Variants in CD209 observed in about 807,000 individuals in gnomAD.
CD209 encodes CD209 molecule, also known as CD209 antigen.
In CD209, 31 loss-of-function variants were observed where a neutral mutation model predicts 44.7. The ratio of observed to expected loss-of-function variants is 0.69; its 90% CI spans 0.52 to 0.94. CD209 has a LOEUF of 0.94. Ranked by LOEUF, CD209 falls within the 40% of genes least tolerant of loss-of-function variation. The pLI is 0.00. For synonymous variants in CD209, 173 were observed against 181.3 expected (o/e 0.95, Z 0.37); for missense variants, 407 against 452.4 (o/e 0.90, Z 0.91).
At chr19:7,745,230 C>T (rs2033766362) in intron 4 of CD209, 138 bp from the exon 5 acceptor site, 4 of 1,231,734 alleles carry the variant, frequency 3.2e-6, no homozygotes, top group Non-Finnish European at 4.5e-6. Context: ...TCCCCACTTC[C>T]CGAGACCCTC....
Position 7,741,653 on chromosome 19 carries a change from G to A in CD209, c.*1386C>T, listed in dbSNP as rs550418394. On this transcript the variant is annotated 3_prime_UTR_variant, in exon 7 of 7. Transcript: ENST00000315599. ...CTGTTTAACGGACGATGGTATGTAC[G>A]CAGGACGACAGCTTCAGTGTGAATT... The A allele has an allele frequency of 5.7e-6, 5 of 878,738 alleles. No individual in the cohort carries two copies. Among genetic ancestry groups the A allele is most frequent in the Admixed American group, 1.8e-5 (1 of 54,960 alleles). 54.4% of individuals were successfully genotyped at this position (878,738 alleles called of 1,614,324 possible).
At chr19:7,744,849 C>T (rs11465385) in intron 5 of CD209, 92 bp downstream of exon 5, 21 of 1,531,556 alleles carry the variant, frequency 1.4e-5, no homozygotes, top group African/African-American at 6.9e-5. Flanking sequence ...TGGAGCAAAA[C>T]CCCTCTTCTG....
At chr19:7,746,640 A>T in intron 2 of CD209, 109 bp from the exon 3 acceptor site, 1 of 1,071,216 alleles carries the variant, frequency 9.3e-7, no homozygotes, top group Non-Finnish European at 1.4e-6. Flanking sequence ...CCCCAGCCCC[A>T]GCCCCCTCCA....
In CD209 at chr19:7,745,031, C is replaced by T; in HGVS notation, c.810G>A (p.Met270Ile). The T allele has an allele frequency of 1.9e-6, 3 of 1,614,222 alleles. No individual in the cohort carries two copies. The highest frequency in any genetic ancestry group is 2.5e-6 in the Non-Finnish European group (3 of 1,180,040). The change falls in exon 5 of 7, where the codon ATG (methionine) becomes ATA (isoleucine). Residue 270 changes from methionine to isoleucine, a missense_variant. Met to Ile is a conservative substitution (Grantham distance 10). Transcript: ENST00000315599. ...WTFFQGNCYF[M>I]SNSQRNWHDS... is the part of the protein sequence containing the mutation. ...CGTGCCAGTTCCGCTGGGAGTTAGACATGAAGTAACAGTTTCCTTGGAAGA... is the reference window on the plus strand; with the variant it reads ...CGTGCCAGTTCCGCTGGGAGTTAGATATGAAGTAACAGTTTCCTTGGAAGA...
Position 7,742,014 on chromosome 19 carries a change from G to A in CD209, c.*1025C>T. On this transcript the variant is annotated 3_prime_UTR_variant, in exon 7 of 7. Coordinates refer to ENST00000315599, the MANE Select transcript of CD209 (RefSeq NM_021155.4). ...GGAAGAAATAGTGACCGCAGCGGGG[G>A]CCGGTGCAGCCGCAGTGAGAACGGC... The A allele has an allele frequency of 3.2e-6, 1 of 314,726 alleles. No homozygotes were observed. The highest frequency in any genetic ancestry group is 9.2e-5 in the East Asian group (1 of 10,924). 19.5% of individuals were successfully genotyped at this position (314,726 alleles called of 1,614,324 possible).
At position 7,746,444 on chromosome 19, in the gene CD209, A is replaced by G; in HGVS notation, c.178+16T>C. The G allele has an allele frequency of 6.2e-7, 1 of 1,613,618 alleles. No individual in the cohort carries two copies. Among genetic ancestry groups the G allele is most frequent in the Non-Finnish European group, 8.5e-7 (1 of 1,179,612 alleles). On this transcript the variant is annotated intron_variant, in intron 3 of 6. Coordinates refer to ENST00000315599, the MANE Select transcript of CD209 (RefSeq NM_021155.4). ...CCAGGCGTGGGGACCCCAGACCCTC[A>G]GAACCTGCCCCTGACCTTGGACAAG...
rs1470596511 is a variant in CD209 at position 7,743,987 on chromosome 19, A to G, written c.1013+120T>C. 8.7e-6 allele frequency: 7 copies of G among 807,828 alleles called. No individual in the cohort carries two copies. In the East Asian group the frequency reaches 1.8e-4, roughly 21 times the overall value. 50.0% of individuals were successfully genotyped at this position (807,828 alleles called of 1,614,324 possible). A position where few individuals can be genotyped will look rare whatever the true frequency, so the allele number is the denominator to read the frequency against. On this transcript the variant is annotated intron_variant, in intron 6 of 6. Coordinates refer to ENST00000315599, the MANE Select transcript of CD209 (RefSeq NM_021155.4). ...TGAAGACCACCTTCCTCAACTCAGT[A>G]AAACCTCCAGATTCTTGGGTCTAGG...
At position 7,745,975 on chromosome 19, in the gene CD209, C is replaced by T; in HGVS notation, c.291G>A (p.Leu97=). The T allele has an allele frequency of 1.2e-6, 2 of 1,614,200 alleles. No individual in the cohort carries two copies. Among genetic ancestry groups the T allele is most frequent in the Non-Finnish European group, 1.7e-6 (2 of 1,180,032 alleles). The stretch of plus-strand genomic sequence containing the variant: ...GGGTCAGCTCCTGGTAGATCTCCTG[C>T]AGCTTGGATTTCTCTGAGAGCTCAC... The part of the protein sequence containing the change: ...AVGELSEKSK[L]QEIYQELTQL... Residue 97 remains leucine (L), a synonymous_variant, in exon 4 of 7, where the codon CTG becomes CTA. Transcript: ENST00000315599.
rs534995365 is a variant in CD209, at chr19:7,746,441, C to T, written c.178+19G>A. 6.2e-6 allele frequency: 10 copies of T among 1,613,658 alleles called. No individual in the cohort carries two copies. In the Admixed American group the frequency reaches 8.3e-5, roughly 13 times the overall value. The stretch of plus-strand genomic sequence containing the variant: ...AAGCCAGGCGTGGGGACCCCAGACC[C>T]TCAGAACCTGCCCCTGACCTTGGAC... On this transcript the variant is annotated intron_variant, in intron 3 of 6. Transcript: ENST00000315599.
At position 7,744,953 on chromosome 19, in the gene CD209, A is replaced by C; in HGVS notation, c.888T>G (p.Ser296Arg). 1.2e-6 allele frequency: 2 copies of C among 1,614,154 alleles called. No individual in the cohort carries two copies. The highest frequency in any genetic ancestry group is 1.1e-5 in the South Asian group (1 of 91,086). The change falls in exon 5 of 7, where the codon AGT becomes AGG. Residue 296 changes from serine to arginine, a missense_variant. Physicochemically the swap from Ser to Arg is moderately radical, Grantham distance 110. This residue lies in a region of CD209 where 200 missense variants were observed against 202.2 expected (regional missense o/e 0.99). Transcript: ENST00000315599. ...CCACCAGGTGTACCTGCTCCTCAGC[A>C]CTTTTGATTACGACGAGCTGGGCCC... ...EVGAQLVVIKSAEEQNFLQLQ... is the reference protein window; with the variant it reads ...EVGAQLVVIKRAEEQNFLQLQ...
chr19:7,744,645 A>G (rs1049171917), intron 5 of CD209, among the ~76,000 whole-genome samples: 2 of 152,250 alleles, frequency 1.3e-5, no homozygotes, highest in Non-Finnish European at 2.9e-5. Context: ...CACCAGGGAA[A>G]CTGGCAAACA....
Position 7,746,316 on chromosome 19 carries a change from G to T in CD209, c.178+144C>A. On this transcript the variant is annotated intron_variant, in intron 3 of 6. Coordinates refer to ENST00000315599, the MANE Select transcript of CD209 (RefSeq NM_021155.4). The stretch of plus-strand genomic sequence containing the variant: ...CTGTCCTGCCCTAGAGTGGGGAGGG[G>T]CTGTGGGAGAGGCCCCTACAGACCC... 5.6e-6 allele frequency: 6 copies of T among 1,064,742 alleles called. No individual in the cohort carries two copies. In the South Asian group the frequency reaches 7.6e-5, roughly 13 times the overall value. The allele number at this position is 1,064,742 out of a possible 1,614,324, so 66.0% of individuals were successfully genotyped here. A position where few individuals can be genotyped will look rare whatever the true frequency, so the allele number is the denominator to read the frequency against.
At chr19:7,746,597 G>T in intron 2 of CD209, 66 bp from the exon 3 acceptor site, 1 of 1,534,336 alleles carries the variant, frequency 6.5e-7, no homozygotes, top group Non-Finnish European at 9.0e-7. Flanking sequence ...GGAGAGCCTG[G>T]TCTAAATCCC....
intron 5 of CD209, 127 bp from the exon 6 acceptor site, chr19:7,744,346 G>GGT: frequency 1.5e-6 from 1 of 681,740 alleles, no homozygotes; most frequent in African/African-American, 1.8e-5. Flanking sequence ...TAGGTCCTGA[G>GGT]CCCCCTCGTG....
chr19:7,744,067 T>G (rs1238724879), intron 6 of CD209, 40 bp downstream of exon 6: 1 of 1,486,012 alleles, frequency 6.7e-7, no homozygotes, highest in South Asian at 1.1e-5. Flanking sequence ...AGTTTCACAA[T>G]TCCAGCCCCA....
chr19:7,741,831 G>T lies in CD209; in HGVS notation c.*1208C>A. 1 of 498,406 alleles carries T rather than the reference G, an allele frequency of 2.0e-6. No homozygotes were observed. Among genetic ancestry groups the T allele is most frequent in the South Asian group, 1.7e-5 (1 of 58,240 alleles). The allele number at this position is 498,406 out of a possible 1,614,324, so 30.9% of individuals were successfully genotyped here. A position where few individuals can be genotyped will look rare whatever the true frequency, so the allele number is the denominator to read the frequency against. On this transcript the variant is annotated 3_prime_UTR_variant, in exon 7 of 7. Transcript: ENST00000315599. Reference sequence around the variant, plus strand: ...CTTTGGCAAGAGCTCCAAGGGGAGAGAGAGGGTGGGCCACCACGATGAATA... The same window carrying T: ...CTTTGGCAAGAGCTCCAAGGGGAGATAGAGGGTGGGCCACCACGATGAATA...
intron 2 of CD209, among the ~76,000 whole-genome samples, chr19:7,746,986 C>A (rs2033856523): frequency 6.6e-6 from 1 of 151,664 alleles, no homozygotes; most frequent in Non-Finnish European, 1.5e-5. Flanking sequence ...CCCCACCTCC[C>A]CATGACCCAG....
intron 6 of CD209, 31 bp from the exon 7 acceptor site, chr19:7,743,271 G>GT: frequency 6.3e-7 from 1 of 1,579,936 alleles, no homozygotes; most frequent in Non-Finnish European, 8.7e-7. Flanking sequence ...GTGAGCCTCT[G>GT]TCCCCGCCAG....
At chr19:7,744,657 G>A (rs1050541553) in intron 5 of CD209, among the ~76,000 whole-genome samples, 4 of 152,208 alleles carry the variant, frequency 2.6e-5, no homozygotes, top group Non-Finnish European at 4.4e-5. Context: ...TGGCAAACAC[G>A]ACCCATCAGG....
Sources: gnomAD v4.1 joint callset for allele counts (sites outside exome capture counted in the v4.1 genomes callset) on GRCh38, gnomAD v4.1.1 for gene constraint, gnomAD v4.1.1 regional missense constraint, MANE v1.5 for transcripts, NCBI Gene and HGNC (gene_info 2026-07-23, HGNC 2026-07-21) for gene names.